Variants in ARL16 observed in about 807,000 individuals in gnomAD.
The protein encoded by ARL16 is ARF like GTPase 16, also known as ADP-ribosylation factor-like protein 16.
In ARL16, 21 loss-of-function variants were observed where a neutral mutation model predicts 14.1. The ratio of observed to expected loss-of-function variants is 1.48; its 90% CI spans 1.05 to 2.14. ARL16 has a LOEUF of 2.14. Ranked by LOEUF, ARL16 falls within the 30% of genes most tolerant of loss-of-function variation. The probability of loss-of-function intolerance (pLI) is 0.00; values close to 1 mark genes in which losing one functional copy is unlikely to be tolerated. For missense variants in ARL16, 248 were observed against 222.0 expected (o/e 1.12, Z -0.74); for synonymous variants, 122 against 91.8 (o/e 1.33, Z -1.88).
Position 81,681,733 on chromosome 17 carries a change from T to G in ARL16, c.497A>C (p.Gln166Pro), listed in dbSNP as rs1000298277. 1.9e-6 allele frequency: 3 copies of G among 1,606,944 alleles called. No homozygotes were observed. In the African/African-American group the frequency reaches 4.0e-5, roughly 21 times the overall value. The part of the protein sequence containing the change: ...TGLAGVLAWL[Q>P]ATHRAND The stretch of plus-strand genomic sequence containing the variant: ...TCAATCGTTGGCTCTGTGGGTGGCC[T>G]GGAGCCAGGCCAGCACCCCTGCTAA... The change falls in exon 5 of 5, where the codon CAG becomes CCG. Residue 166 changes from glutamine to proline, a missense_variant. Transcript: ENST00000622299.
intron 4 of ARL16, 76 bp from the exon 5 acceptor site, chr17:81,681,955 C>T: frequency 6.4e-7 from 1 of 1,560,500 alleles, no homozygotes; most frequent in Non-Finnish European, 8.7e-7. Flanking sequence ...CACCACCTCC[C>T]TACCGAGCCA....
At chr17:81,681,995 C>G in intron 4 of ARL16, 39 bp downstream of exon 4, 1 of 1,571,994 alleles carries the variant, frequency 6.4e-7, no homozygotes, top group Non-Finnish European at 8.7e-7. Flanking sequence ...AGGGAGCCCC[C>G]GCCCCCGCTG....
At position 81,683,047 on chromosome 17, in the gene ARL16, C is replaced by T; in HGVS notation, c.200G>A (p.Trp67Ter). Reference sequence around the variant, plus strand: ...ACGGCAGTTTCCATAGTAACTGGACCAGATGGGGCCCATGCACCCCCCAAG... The same window carrying T: ...ACGGCAGTTTCCATAGTAACTGGACTAGATGGGGCCCATGCACCCCCCAAG... Reference protein sequence around the residue: ...RELGGCMGPIWSSYYGNCRSL... With the variant: ...RELGGCMGPI Residue 67 changes from tryptophan (W) to a stop codon, truncating the protein, a stop_gained, in exon 3 of 5, where the codon TGG (tryptophan) becomes TAG (stop). Coordinates refer to ENST00000622299, the MANE Select transcript of ARL16 (RefSeq NM_001040025.3). LOFTEE classifies it high-confidence loss of function. 6.2e-7 allele frequency: 1 copy of T among 1,613,722 alleles called. No homozygotes were observed. The highest frequency in any genetic ancestry group is 8.5e-7 in the Non-Finnish European group (1 of 1,179,846).
chr17:81,683,675 C>T lies in ARL16; in HGVS notation c.61+18G>A. On this transcript the variant is annotated intron_variant, in intron 1 of 4. Transcript: ENST00000622299. ...GGTGCCCCCCGCGCCCCGGTCCCGT[C>T]CCCGCGCGGAAGGATATCCTGCAGC... is the stretch of plus-strand genomic sequence containing the variant. 6.3e-7 allele frequency: 1 copy of T among 1,596,626 alleles called. No homozygotes were observed. The highest frequency in any genetic ancestry group is 8.5e-7 in the Non-Finnish European group (1 of 1,173,602).
Position 81,683,018 on chromosome 17 carries a change from G to GAGA in ARL16, c.226_228dup (p.Ser76dup), listed in dbSNP as rs767003418. The stretch of plus-strand genomic sequence containing the variant: ...CATATAGGATTACAACCCACCAGGA[G>GAGA]AGAACGGCAGTTTCCATAGTAACTG... On this transcript the variant is annotated inframe_insertion, in exon 3 of 5. Coordinates refer to ENST00000622299, the MANE Select transcript of ARL16 (RefSeq NM_001040025.3). 9 of 1,613,278 alleles carry GAGA rather than the reference G, an allele frequency of 5.6e-6. No individual in the cohort carries two copies. The highest frequency in any genetic ancestry group is 1.6e-4 in the Middle Eastern group (1 of 6,084).
chr17:81,683,393 C>T (rs933561023), intron 2 of ARL16, 143 bp downstream of exon 2: 34 of 1,166,562 alleles, frequency 2.9e-5, no homozygotes, highest in African/African-American at 2.8e-4. Flanking sequence ...ATCCTCAGCT[C>T]GGGCCGTCCC....
intron 1 of ARL16, 27 bp from the exon 2 acceptor site, chr17:81,683,621 G>A: frequency 6.3e-7 from 1 of 1,593,118 alleles, no homozygotes; most frequent in East Asian, 2.3e-5. Context: ...GACCCGAGCA[G>A]CTAAAGGGTG....
rs769339588 is a variant in ARL16, at chr17:81,681,279, G to C, written c.*429C>G. 1.9e-4 allele frequency: 30 copies of C among 157,808 alleles called. No homozygotes were observed. Among genetic ancestry groups the C allele is most frequent in the Non-Finnish European group, 3.8e-4 (27 of 71,616 alleles). The allele number at this position is 157,808 out of a possible 1,614,324, so 9.8% of individuals were successfully genotyped here. ...TGCAATGGCATGATCTCGACTCACTGCAACCTCCACCTCCCAGGTTCAAGG... is the reference window on the plus strand; with the variant it reads ...TGCAATGGCATGATCTCGACTCACTCCAACCTCCACCTCCCAGGTTCAAGG... On this transcript the variant is annotated 3_prime_UTR_variant, in exon 5 of 5. Coordinates refer to ENST00000622299, the MANE Select transcript of ARL16 (RefSeq NM_001040025.3).
rs544568226 is a variant in ARL16 at position 81,682,001 on chromosome 17, C to T, written c.350+33G>A. ...TGTAACCCGAGGGAGCCCCCGCCCCCGCTGTGCTCCCTCTCAGCTCAGGGA... is the reference window on the plus strand; with the variant it reads ...TGTAACCCGAGGGAGCCCCCGCCCCTGCTGTGCTCCCTCTCAGCTCAGGGA... On this transcript the variant is annotated intron_variant, in intron 4 of 4. Transcript: ENST00000622299. 5.8e-5 allele frequency: 92 copies of T among 1,580,816 alleles called. 2 individuals carry two copies. The South Asian group carries it at 1.0e-3, about 17-fold the overall frequency.
chr17:81,681,777 G>C lies in ARL16; in HGVS notation c.453C>G (p.Ser151Arg), dbSNP rs755264434. 2 of 1,611,124 alleles carry C rather than the reference G, an allele frequency of 1.2e-6. No homozygotes were observed. The highest frequency in any genetic ancestry group is 1.7e-5 in the Admixed American group (1 of 59,710). The change falls in exon 5 of 5, where the codon AGC (serine) becomes AGG (arginine). Residue 151 changes from serine (S) to arginine (R), a missense_variant. Transcript: ENST00000622299. The part of the protein sequence containing the change: ...AKQNITTAEI[S>R]AREGTGLAGV... ...CTGCTAAGCCAGTGCCTTCACGGGC[G>C]CTGATTTCTGCCGTGGTGATGTTCT...
chr17:81,682,745 A>T, intron 3 of ARL16: 1 of 500,582 alleles, frequency 2.0e-6, no homozygotes, highest in Non-Finnish European at 3.6e-6. Context: ...GGGGAGTGAC[A>T]CAGAGGGCCA....
intron 2 of ARL16, 59 bp downstream of exon 2, chr17:81,683,477 C>G: frequency 6.8e-7 from 1 of 1,470,856 alleles, no homozygotes; most frequent in Non-Finnish European, 9.0e-7. Context: ...GAGCCCGGAG[C>G]TCTTCGCCAA....
rs780516941 is a variant in ARL16, at chr17:81,683,661, C to T, written c.61+32G>A. 21 of 1,590,408 alleles carry T rather than the reference C, an allele frequency of 1.3e-5. No individual in the cohort carries two copies. In the African/African-American group the frequency reaches 1.7e-4, roughly 13 times the overall value. On this transcript the variant is annotated intron_variant, in intron 1 of 4. Transcript: ENST00000622299. The stretch of plus-strand genomic sequence containing the variant: ...CCCGCCCCACTCCGGGTGCCCCCCG[C>T]GCCCCGGTCCCGTCCCCGCGCGGAA...
intron 2 of ARL16, 58 bp from the exon 3 acceptor site, chr17:81,683,184 C>A: frequency 6.8e-7 from 1 of 1,472,666 alleles, no homozygotes; most frequent in Admixed American, 1.9e-5. Context: ...GTTGTGAACT[C>A]CTGAAGAGCA....
Position 81,681,843 on chromosome 17 carries a change from C to T in ARL16, c.387G>A (p.Lys129=), listed in dbSNP as rs1167657342. Residue 129 remains lysine, a synonymous_variant, in exon 5 of 5, where the codon AAG becomes AAA. Transcript: ENST00000622299. ...LPCYMSTEEM[K]SLIRLPDIIA... ...TGATGTCTGGAAGCCTGATTAATGA[C>T]TTCATCTCCTCCGTGGACATGTAAC... 3 of 1,613,130 alleles carry T rather than the reference C, an allele frequency of 1.9e-6. No individual in the cohort carries two copies. In the East Asian group the frequency reaches 6.7e-5, roughly 36 times the overall value.
intron 3 of ARL16, chr17:81,682,743 A>G: frequency 2.0e-6 from 1 of 498,692 alleles, no homozygotes; most frequent in Non-Finnish European, 3.6e-6. Context: ...CCGGGGAGTG[A>G]CACAGAGGGC....
rs1351527017 is a variant in ARL16 at position 81,681,783 on chromosome 17, T to C, written c.447A>G (p.Glu149=). ...AGCCAGTGCCTTCACGGGCGCTGAT[T>C]TCTGCCGTGGTGATGTTCTGCTTGG... ...ACAKQNITTA[E]ISAREGTGLA... is the part of the protein sequence containing the mutation. The change falls in exon 5 of 5, where the codon GAA becomes GAG. Residue 149 remains glutamate (E), a synonymous_variant. Coordinates refer to ENST00000622299, the MANE Select transcript of ARL16 (RefSeq NM_001040025.3). 1.2e-6 allele frequency: 2 copies of C among 1,612,180 alleles called. No homozygotes were observed. Among genetic ancestry groups the C allele is most frequent in the Non-Finnish European group, 1.7e-6 (2 of 1,179,398 alleles).
intron 3 of ARL16, 106 bp downstream of exon 3, chr17:81,682,907 C>A: frequency 9.8e-7 from 1 of 1,024,404 alleles, no homozygotes; most frequent in Non-Finnish European, 1.5e-6. Flanking sequence ...AGTATAGTCA[C>A]TAAATAACCC....
Position 81,681,823 on chromosome 17 carries a change from T to C in ARL16, c.407A>G (p.Asp136Gly), listed in dbSNP as rs2036850593. ...GTTCTGCTTGGCACAAGCAATGATG[T>C]CTGGAAGCCTGATTAATGACTTCAT... ...EEMKSLIRLP[D>G]IIACAKQNIT... is the part of the protein sequence containing the mutation. Residue 136 changes from aspartate to glycine, a missense_variant, in exon 5 of 5, where the codon GAC becomes GGC. By Grantham distance (94) the Asp-to-Gly change is moderately conservative (BLOSUM62 -1). Coordinates refer to ENST00000622299, the MANE Select transcript of ARL16 (RefSeq NM_001040025.3). 1 of 1,613,130 alleles carries C rather than the reference T, an allele frequency of 6.2e-7. No individual in the cohort carries two copies. The highest frequency in any genetic ancestry group is 8.5e-7 in the Non-Finnish European group (1 of 1,179,794).
Sources: allele counts gnomAD v4.1 joint callset, GRCh38; gene constraint gnomAD v4.1.1; transcripts MANE v1.5; gene names NCBI Gene and HGNC (gene_info 2026-07-23, HGNC 2026-07-21).